The following TBCE variants were observed in gnomAD, a reference collection of about 807,000 sequenced individuals.
TBCE encodes tubulin-specific chaperone E.
Under a neutral mutation model 77.0 loss-of-function variants are expected in TBCE, and 53 were observed. That is an observed-to-expected ratio of 0.69 (90% CI 0.55 to 0.87). TBCE has a LOEUF of 0.87. Ranked by LOEUF, TBCE falls within the 40% of genes least tolerant of loss-of-function variation. The pLI, the probability that TBCE is intolerant of heterozygous loss-of-function variation, is 0.00. For synonymous variants in TBCE, 235 were observed against 241.3 expected (o/e 0.97, Z 0.24); for missense variants, 624 against 622.4 (o/e 1.00, Z -0.03).
At chr1:235,371,102 G>A (rs1254019004) in intron 1 of TBCE, among the ~76,000 whole-genome samples, 1 of 119,666 alleles carries the variant, frequency 8.4e-6, no homozygotes, top group African/African-American at 3.2e-5. Flanking sequence ...TGCTGCCCAG[G>A]CTAGAGTGCA....
At chr1:235,409,177 T>C (rs773174417) in intron 3 of TBCE, among the ~76,000 whole-genome samples, 2 of 152,156 alleles carry the variant, frequency 1.3e-5, no homozygotes, top group Non-Finnish European at 2.9e-5. Context: ...CTGGGTTTTA[T>C]GAGCACATGC....
At chr1:235,385,322 G>A (rs1677932239) in intron 2 of TBCE, among the ~76,000 whole-genome samples, 1 of 152,084 alleles carries the variant, frequency 6.6e-6, no homozygotes, top group African/African-American at 2.4e-5. Flanking sequence ...TTCTGTAGAT[G>A]TCTATTACGT....
At chr1:235,413,185 G>T (rs905087905) in intron 3 of TBCE, among the ~76,000 whole-genome samples, 2 of 152,050 alleles carry the variant, frequency 1.3e-5, no homozygotes, top group Non-Finnish European at 2.9e-5. Flanking sequence ...GTGAGATGTT[G>T]TCTCTTAAAA....
chr1:235,440,709 T>G (rs1681822823), intron 13 of TBCE: 1 of 152,218 alleles, frequency 6.6e-6, no homozygotes, highest in Non-Finnish European at 1.5e-5. Context: ...CTGTATTTTT[T>G]TAAAGCCCCC....
At chr1:235,444,779 A>G (rs772958071) in intron 15 of TBCE, among the ~76,000 whole-genome samples, 7 of 152,248 alleles carry the variant, frequency 4.6e-5, no homozygotes, top group Non-Finnish European at 7.3e-5. Flanking sequence ...AGATACATCA[A>G]ATCAATTCAT....
chr1:235,379,208 T>C (rs1160671171), intron 1 of TBCE, among the ~76,000 whole-genome samples: 1 of 152,118 alleles, frequency 6.6e-6, no homozygotes, highest in East Asian at 1.9e-4. Flanking sequence ...CTATCAGTTA[T>C]AAGCTCTGTG....
At chr1:235,394,459 T>C (rs2102843278) in intron 2 of TBCE, among the ~76,000 whole-genome samples, 1 of 125,064 alleles carries the variant, frequency 8.0e-6, no homozygotes, top group African/African-American at 2.9e-5. Context: ...AGGTTGTCAC[T>C]CTGTTGCCCA....
At chr1:235,443,242 C>T (rs1043753765) in intron 15 of TBCE, among the ~76,000 whole-genome samples, 3 of 152,016 alleles carry the variant, frequency 2.0e-5, no homozygotes, top group Admixed American at 6.6e-5. Context: ...CACTCTGTCA[C>T]CCAGGTTGGA....
chr1:235,383,927 C>T (rs1435106574), intron 2 of TBCE, among the ~76,000 whole-genome samples: 1 of 152,116 alleles, frequency 6.6e-6, no homozygotes, highest in Non-Finnish European at 1.5e-5. Flanking sequence ...AGTTTTTGTC[C>T]ATTCAGTATG....
chr1:235,409,755 G>A (rs372589862), intron 3 of TBCE, among the ~76,000 whole-genome samples: 23 of 136,862 alleles, frequency 1.7e-4, no homozygotes, highest in African/African-American at 5.6e-4. Context: ...AGGGCCTGGC[G>A]CCGTGGCTCA....
intron 13 of TBCE, among the ~76,000 whole-genome samples, chr1:235,439,466 A>T (rs1249935608): frequency 1.3e-5 from 2 of 151,624 alleles, no homozygotes; most frequent in African/African-American, 4.8e-5. Flanking sequence ...ACTGTACTCC[A>T]GCCTGGGCGA....
At position 235,380,161 on chromosome 1, in the gene TBCE, TTGTGTGTGTGTGTGTGTGTGTGTGTGTG is replaced by T. The variant is rs10524346; in HGVS notation, c.100+38_100+65del. ...CCCTCCCGTGGCAGGTAAGCAATTA[TTGTGTGTGTGTGTGTGTGTGTGTGTGTG>T]TGTGTGTGTGTGTGTGTGTGTGTGT... is the stretch of plus-strand genomic sequence containing the variant. On this transcript the variant is annotated intron_variant, in intron 2 of 16. Transcript: ENST00000642610. The T allele has an allele frequency of 2.5e-4, 290 of 1,138,738 alleles. 2 individuals are homozygous for T. Among genetic ancestry groups the T allele is most frequent in the Middle Eastern group, 1.7e-3 (8 of 4,814 alleles). The allele number at this position is 1,138,738 out of a possible 1,614,324, so 70.5% of individuals were successfully genotyped here.
chr1:235,387,202 C>T (rs1297240732), intron 2 of TBCE, among the ~76,000 whole-genome samples: 1 of 152,204 alleles, frequency 6.6e-6, no homozygotes, highest in Non-Finnish European at 1.5e-5. Context: ...TGTCAGTCTG[C>T]CCCTGCTGGG....
At chr1:235,368,315 C>T (rs1191545974) in intron 1 of TBCE, among the ~76,000 whole-genome samples, 1 of 152,060 alleles carries the variant, frequency 6.6e-6, no homozygotes, top group African/African-American at 2.4e-5. Flanking sequence ...GCAGTCCTGG[C>T]AGGAAGACGG....
intron 3 of TBCE, among the ~76,000 whole-genome samples, chr1:235,402,309 G>A (rs1202099885): frequency 2.0e-5 from 3 of 151,622 alleles, no homozygotes; most frequent in Non-Finnish European, 4.4e-5. Flanking sequence ...TGATCCGCCC[G>A]CCTCAGCCTC....
At chr1:235,428,791 G>A (rs762035262) in intron 6 of TBCE, among the ~76,000 whole-genome samples, 3 of 148,932 alleles carry the variant, frequency 2.0e-5, no homozygotes, top group Non-Finnish European at 4.5e-5. Flanking sequence ...CTACAGGCAC[G>A]AGCCACCACG....
At chr1:235,406,246 C>T (rs975768572) in intron 3 of TBCE, among the ~76,000 whole-genome samples, 1 of 152,140 alleles carries the variant, frequency 6.6e-6, no homozygotes, top group Non-Finnish European at 1.5e-5. Context: ...AGGAATTTAA[C>T]TGGTCCTTTA....
intron 1 of TBCE, among the ~76,000 whole-genome samples, chr1:235,371,118 A>G (rs1181286391): frequency 9.6e-6 from 1 of 104,700 alleles, no homozygotes; most frequent in Non-Finnish European, 1.8e-5. Context: ...GTGCAATTGC[A>G]TGATCTTGGC....
intron 13 of TBCE, 191 bp downstream of exon 13, chr1:235,439,113 A>G (rs1681656643): frequency 1.6e-5 from 11 of 681,750 alleles, no homozygotes; most frequent in Middle Eastern, 3.9e-4. Flanking sequence ...AGTATCTTTC[A>G]GCAGGAGGAA....
Sources: allele counts gnomAD v4.1 joint callset (sites outside exome capture counted in the v4.1 genomes callset), GRCh38; gene constraint gnomAD v4.1.1; transcripts MANE v1.5; gene names NCBI Gene and HGNC (gene_info 2026-07-23, HGNC 2026-07-21).